The following NTN1 variants were observed in gnomAD, a reference collection of about 807,000 sequenced individuals.
NTN1 encodes netrin-1.
NTN1 carries 11 observed loss-of-function variants against 54.2 expected under a neutral mutation model. The ratio of observed to expected loss-of-function variants is 0.20; its 90% CI spans 0.13 to 0.34. NTN1 has a LOEUF of 0.34. Among genes scored for constraint, NTN1 ranks in the 10% least tolerant of loss-of-function variants. The pLI is 1.00. For missense variants in NTN1, 740 were observed against 893.1 expected (o/e 0.83, Z 2.18); for synonymous variants, 371 against 382.0 (o/e 0.97, Z 0.33).
At chr17:9,206,733 C>A (rs1373513275) in intron 5 of NTN1, among the ~76,000 whole-genome samples, 3 of 152,228 alleles carry the variant, frequency 2.0e-5, no homozygotes, top group African/African-American at 7.2e-5. Flanking sequence ...ATTTTTAAAT[C>A]TGCAAATATA....
rs59889229 is a variant in NTN1, at chr17:9,135,877, T to C, written c.1019-26936T>C. On this transcript the variant is annotated intron_variant, in intron 2 of 6. Transcript: ENST00000173229. This position sits in a 1 kb window ranked among gnomAD's most constrained non-coding sequence, Gnocchi z 4.4. The stretch of plus-strand genomic sequence containing the variant: ...TGAGCTCCTCTTCACACATGTCGAC[T>C]GAGCACAGCCCATACTCAGAGGGCA... Among the ~76,000 whole-genome samples, 371 of 152,314 alleles carry C rather than the reference T, an allele frequency of 2.4e-3. 5 individuals are homozygous for C. Among genetic ancestry groups the C allele is most frequent in the African/African-American group, 8.3e-3 (345 of 41,556 alleles).
chr17:9,160,311 G>A (rs1319914874), intron 2 of NTN1, among the ~76,000 whole-genome samples: 1 of 151,962 alleles, frequency 6.6e-6, no homozygotes, highest in Non-Finnish European at 1.5e-5. Flanking sequence ...CACCATATTG[G>A]CCAGGCTGGT....
chr17:9,201,407 C>T (rs1241028467), intron 5 of NTN1, among the ~76,000 whole-genome samples: 6 of 152,124 alleles, frequency 3.9e-5, no homozygotes, highest in African/African-American at 9.7e-5. Flanking sequence ...GTGATTTGGA[C>T]CTCAGGGCTA....
At chr17:9,087,968 T>G (rs748983006) in intron 2 of NTN1, among the ~76,000 whole-genome samples, 2 of 152,124 alleles carry the variant, frequency 1.3e-5, no homozygotes, top group African/African-American at 2.4e-5. Context: ...AAACCCCAAT[T>G]CGACCAGGAG....
At chr17:9,233,307 G>A (rs998866808) in intron 6 of NTN1, among the ~76,000 whole-genome samples, 2 of 152,190 alleles carry the variant, frequency 1.3e-5, no homozygotes, top group East Asian at 1.9e-4. Flanking sequence ...TTGTTTATTC[G>A]GGGCTGGGCC....
chr17:9,172,235 C>T (rs1027907880), intron 3 of NTN1, among the ~76,000 whole-genome samples: 16 of 151,978 alleles, frequency 1.1e-4, no homozygotes, highest in Non-Finnish European at 1.6e-4. Context: ...CGGTGGCTCA[C>T]GCCTGTAATC....
intron 2 of NTN1, among the ~76,000 whole-genome samples, chr17:9,142,837 A>G (rs2092302168): frequency 6.6e-6 from 1 of 152,186 alleles, no homozygotes; most frequent in Non-Finnish European, 1.5e-5. Flanking sequence ...CAACAAAATC[A>G]GTATGTAAAG....
At chr17:9,238,063 T>G (rs1211238744) in intron 6 of NTN1, among the ~76,000 whole-genome samples, 1 of 152,190 alleles carries the variant, frequency 6.6e-6, no homozygotes, top group Non-Finnish European at 1.5e-5. Flanking sequence ...CGGCTGTCCC[T>G]GCCCTCCCCA....
intron 3 of NTN1, among the ~76,000 whole-genome samples, chr17:9,168,389 G>A (rs1400357183): frequency 1.3e-5 from 2 of 152,114 alleles, no homozygotes; most frequent in Non-Finnish European, 2.9e-5. Flanking sequence ...AAAATTAGCC[G>A]GGCGCAGTGG....
Position 9,022,315 on chromosome 17 carries a change from C to T in NTN1, c.-59C>T. ...GCAGCTCCCTTCTCTCCGCAGGCGC[C>T]TTCTGCGGCAGGCGGACAGATCCTC... On this transcript the variant is annotated 5_prime_UTR_variant, in exon 2 of 7. Transcript: ENST00000173229. 1 of 1,262,854 alleles carries T rather than the reference C, an allele frequency of 7.9e-7. No homozygotes were observed. The highest frequency in any genetic ancestry group is 1.6e-5 in the African/African-American group (1 of 64,216). The allele number at this position is 1,262,854 out of a possible 1,614,324, so 78.2% of individuals were successfully genotyped here.
At chr17:9,032,348 T>C (rs969240437) in intron 2 of NTN1, among the ~76,000 whole-genome samples, 1 of 152,212 alleles carries the variant, frequency 6.6e-6, no homozygotes, top group East Asian at 1.9e-4. Flanking sequence ...CCCCGACGTT[T>C]CTGGGCAGGT....
At chr17:9,131,020 G>T (rs1228435663) in intron 2 of NTN1, among the ~76,000 whole-genome samples, 1 of 152,150 alleles carries the variant, frequency 6.6e-6, no homozygotes, top group East Asian at 1.9e-4. Flanking sequence ...AATTCTCTGT[G>T]TGTGTTCCAG....
At chr17:9,228,031 C>T (rs74786069) in intron 6 of NTN1, among the ~76,000 whole-genome samples, 3,237 of 152,284 alleles carry the variant, frequency 0.021, 120 homozygotes, top group African/African-American at 0.074. Flanking sequence ...CTGTGGGCCC[C>T]ATCCTGCCCT....
Position 9,221,147 on chromosome 17 carries a change from T to TCGCC in NTN1, c.1412-20_1412-19insGCCC. 6 of 1,303,790 alleles carry TCGCC rather than the reference T, an allele frequency of 4.6e-6. No homozygotes were observed. The highest frequency in any genetic ancestry group is 6.3e-6 in the Non-Finnish European group (6 of 952,860). 80.8% of individuals were successfully genotyped at this position (1,303,790 alleles called of 1,614,324 possible). On this transcript the variant is annotated intron_variant, in intron 5 of 6. Coordinates refer to ENST00000173229, the MANE Select transcript of NTN1 (RefSeq NM_004822.3). The surrounding 1 kb of genome is among the most constrained non-coding windows in gnomAD (Gnocchi z 4.5). ...CAGCCTAATTAGTTTTTGTCTGTGC[T>TCGCC]CCCCCCCCACCCCCCTGCAGACTGC...
chr17:9,042,377 G>A (rs527444695), intron 2 of NTN1, among the ~76,000 whole-genome samples: 3 of 151,908 alleles, frequency 2.0e-5, no homozygotes, highest in Admixed American at 6.6e-5. Context: ...CTCAGTTCTC[G>A]AGAGGCTGAG....
chr17:9,118,399 T>A (rs1206515552), intron 2 of NTN1, among the ~76,000 whole-genome samples: 2 of 152,124 alleles, frequency 1.3e-5, no homozygotes, highest in African/African-American at 4.8e-5. Context: ...GCACCTGTAG[T>A]CCCAGCTATC....
At chr17:9,041,595 G>A (rs1363082620) in intron 2 of NTN1, among the ~76,000 whole-genome samples, 1 of 152,150 alleles carries the variant, frequency 6.6e-6, no homozygotes, top group Non-Finnish European at 1.5e-5. Context: ...GGACATTTGA[G>A]TTGTGTCCAT....
In NTN1 at chr17:9,022,787, C is replaced by T. The variant is rs2091856644; in HGVS notation, c.414C>T (p.Leu138=). 2 of 1,610,628 alleles carry T rather than the reference C, an allele frequency of 1.2e-6. No individual in the cohort carries two copies. The highest frequency in any genetic ancestry group is 2.2e-5 in the South Asian group (2 of 90,624). The change falls in exon 2 of 7, where the codon CTC becomes CTT. Residue 138 remains leucine, a synonymous_variant. Coordinates refer to ENST00000173229, the MANE Select transcript of NTN1 (RefSeq NM_004822.3). ...FPHNVTLTLS[L]GKKFEVTYVS... ...ACAACGTCACGCTCACACTGTCCCT[C>T]GGCAAGAAGTTCGAAGTGACCTACG...
At chr17:9,231,295 C>CG (rs35777481) in intron 6 of NTN1, among the ~76,000 whole-genome samples, 188 of 145,494 alleles carry the variant, frequency 1.3e-3, no homozygotes, top group East Asian at 5.4e-3. Flanking sequence ...ATGGGGTACC[C>CG]GGGGGGGGAC....
Sources: gnomAD v4.1 joint callset for allele counts (sites outside exome capture counted in the v4.1 genomes callset) on GRCh38, gnomAD v4.1.1 for gene constraint, Gnocchi (gnomAD v3.1) non-coding constraint, MANE v1.5 for transcripts, NCBI Gene and HGNC (gene_info 2026-07-23, HGNC 2026-07-21) for gene names.